PIK3R3: variants seen among roughly 807,000 people sequenced by gnomAD.
PIK3R3 encodes phosphoinositide-3-kinase regulatory subunit 3, also known as phosphatidylinositol 3-kinase regulatory subunit gamma.
PIK3R3 carries 64 observed loss-of-function variants against 62.9 expected under a neutral mutation model. The observed-to-expected ratio is 1.02, with a 90% CI of 0.83 to 1.25. PIK3R3 has a LOEUF of 1.25. Among genes scored for constraint, PIK3R3 ranks in the 50% most tolerant of loss-of-function variants. The pLI, the probability that PIK3R3 is intolerant of heterozygous loss-of-function variation, is 0.00. For synonymous variants in PIK3R3, 165 were observed against 189.0 expected (o/e 0.87, Z 1.04); for missense variants, 614 against 561.6 (o/e 1.09, Z -0.94).
Position 46,132,202 on chromosome 1 carries a change from TG to T in PIK3R3, c.-251del, listed in dbSNP as rs1557643524. On this transcript the variant is annotated 5_prime_UTR_variant, in exon 1 of 10. Coordinates refer to ENST00000262741, the MANE Select transcript of PIK3R3 (RefSeq NM_003629.4). Reference sequence around the variant, plus strand: ...CTCCTCAGAGGATTACACAGAGGCTTGGGGGACGGAGAGCAGAGGTGTTAAA... The same window carrying T: ...CTCCTCAGAGGATTACACAGAGGCTTGGGGACGGAGAGCAGAGGTGTTAAA... 8.0e-7 allele frequency: 1 copy of T among 1,254,954 alleles called. No homozygotes were observed. The highest frequency in any genetic ancestry group is 1.9e-5 in the South Asian group (1 of 52,724). The allele number at this position is 1,254,954 out of a possible 1,614,324, so 77.7% of individuals were successfully genotyped here.
At chr1:46,085,873 C>A (rs912787741) in intron 1 of PIK3R3, among the ~76,000 whole-genome samples, 9 of 152,100 alleles carry the variant, frequency 5.9e-5, no homozygotes, top group African/African-American at 2.2e-4. Flanking sequence ...AAATATTTCT[C>A]TTTCCATTTT....
chr1:46,081,470 T>C (rs1349610250), intron 1 of PIK3R3, among the ~76,000 whole-genome samples: 1 of 152,148 alleles, frequency 6.6e-6, no homozygotes, highest in Admixed American at 6.6e-5. Flanking sequence ...TAGATTCTCA[T>C]AGAAGCACAA....
the PIK3R3 span, among the ~76,000 whole-genome samples, chr1:46,163,836 G>A: frequency 2.6e-5 from 4 of 152,144 alleles, no homozygotes; most frequent in Non-Finnish European, 4.4e-5. Flanking sequence ...AAATAGAGAC[G>A]GTAATCTCCA....
At chr1:46,166,550 A>C in the PIK3R3 span, among the ~76,000 whole-genome samples, 2,397 of 152,182 alleles carry the variant, frequency 0.016, 64 homozygotes, top group African/African-American at 0.055. Flanking sequence ...CACAAACTGC[A>C]GTTCTCTTTT....
chr1:46,086,269 T>C (rs914759702), intron 1 of PIK3R3, among the ~76,000 whole-genome samples: 19 of 152,154 alleles, frequency 1.2e-4, no homozygotes, highest in African/African-American at 4.6e-4. Context: ...TGTATGTATA[T>C]TGTATATGTT....
At chr1:46,055,259 C>T (rs1329008576) in intron 7 of PIK3R3, among the ~76,000 whole-genome samples, 1 of 152,110 alleles carries the variant, frequency 6.6e-6, no homozygotes, top group Non-Finnish European at 1.5e-5. Context: ...CAAGAATGTG[C>T]CACCACGCCC....
chr1:46,142,062 A>G, the PIK3R3 span, among the ~76,000 whole-genome samples: 1 of 152,158 alleles, frequency 6.6e-6, no homozygotes, highest in Non-Finnish European at 1.5e-5. Flanking sequence ...AACAGGCATA[A>G]TACTCCCTTC....
In PIK3R3 at chr1:46,103,890, G is replaced by A. The variant is rs556274332; in HGVS notation, c.107-23140C>T. On this transcript the variant is annotated intron_variant, in intron 1 of 9. Coordinates refer to ENST00000262741, the MANE Select transcript of PIK3R3 (RefSeq NM_003629.4). Reference sequence around the variant, plus strand: ...ATTACAGGCATGAACCACCACGCCCGGCCATGATGGTATATTTTATATTAT... The same window carrying A: ...ATTACAGGCATGAACCACCACGCCCAGCCATGATGGTATATTTTATATTAT... Among the ~76,000 whole-genome samples the A allele has an allele frequency of 1.3e-4, 19 of 151,778 alleles. 1 individual carries two copies. The South Asian group carries it at 1.9e-3, about 15-fold the overall frequency.
the PIK3R3 span, among the ~76,000 whole-genome samples, chr1:46,154,153 C>T: frequency 6.6e-6 from 1 of 152,242 alleles, no homozygotes; most frequent in East Asian, 1.9e-4. Context: ...CCTGTTAAAA[C>T]ATGGGGAAAT....
chr1:46,169,368 T>C, the PIK3R3 span, among the ~76,000 whole-genome samples: 1 of 152,182 alleles, frequency 6.6e-6, no homozygotes, highest in Non-Finnish European at 1.5e-5. Flanking sequence ...ATCATAGGCA[T>C]TGACACATTT....
chr1:46,132,232 C>A lies in PIK3R3; in HGVS notation c.-280G>T, dbSNP rs1169398417. ...GACGGAGAGCAGAGGTGTTAAAAAG[C>A]GGCTTCCCAAAAATCCTTTCTACAC... On this transcript the variant is annotated 5_prime_UTR_variant, in exon 1 of 10. Coordinates refer to ENST00000262741, the MANE Select transcript of PIK3R3 (RefSeq NM_003629.4). 8.5e-6 allele frequency: 10 copies of A among 1,173,456 alleles called. No individual in the cohort carries two copies. In the African/African-American group the frequency reaches 1.3e-4, roughly 15 times the overall value. The allele number at this position is 1,173,456 out of a possible 1,614,324, so 72.7% of individuals were successfully genotyped here. A position where few individuals can be genotyped will look rare whatever the true frequency, so the allele number is the denominator to read the frequency against.
chr1:46,050,118 T>C (rs1198532467), intron 7 of PIK3R3, among the ~76,000 whole-genome samples: 3 of 123,320 alleles, frequency 2.4e-5, no homozygotes, highest in East Asian at 4.3e-4. Flanking sequence ...TGAAACTCTG[T>C]CTCAAAAAAA....
intron 1 of PIK3R3, among the ~76,000 whole-genome samples, chr1:46,115,407 T>C (rs1172470671): frequency 6.6e-6 from 1 of 152,122 alleles, no homozygotes; most frequent in East Asian, 1.9e-4. Flanking sequence ...CCATAGAAAA[T>C]GTACTAGAAA....
intron 3 of PIK3R3, among the ~76,000 whole-genome samples, chr1:46,074,640 G>C (rs1085241): frequency 6.7e-6 from 1 of 148,294 alleles, no homozygotes; most frequent in Non-Finnish European, 1.5e-5. Flanking sequence ...AGGCAATGCA[G>C]AGTCAATCCC....
chr1:46,112,241 T>C (rs1653807320), intron 1 of PIK3R3, among the ~76,000 whole-genome samples: 1 of 152,254 alleles, frequency 6.6e-6, no homozygotes, highest in Admixed American at 6.5e-5. Context: ...TTTGTCTTAC[T>C]CTACAATCTA....
chr1:46,075,179 C>T (rs955644704), intron 3 of PIK3R3, among the ~76,000 whole-genome samples: 25 of 152,168 alleles, frequency 1.6e-4, no homozygotes, highest in African/African-American at 6.0e-4. Flanking sequence ...TTTAGCATAT[C>T]GCTATATAAA....
chr1:46,093,639 T>C (rs1220062084), intron 1 of PIK3R3, among the ~76,000 whole-genome samples: 1 of 151,986 alleles, frequency 6.6e-6, no homozygotes, highest in East Asian at 1.9e-4. Context: ...CATGTAATCC[T>C]AGCACTTTGG....
chr1:46,128,665 C>A (rs1655300120), intron 1 of PIK3R3, among the ~76,000 whole-genome samples: 1 of 152,172 alleles, frequency 6.6e-6, no homozygotes, highest in Admixed American at 6.5e-5. Context: ...CTACTACTTG[C>A]AAGACCCTGG....
At chr1:46,082,512 C>T (rs1650694104) in intron 1 of PIK3R3, among the ~76,000 whole-genome samples, 1 of 152,166 alleles carries the variant, frequency 6.6e-6, no homozygotes, top group South Asian at 2.1e-4. Context: ...AGTAGTAGTA[C>T]AGCAGTGTTA....
Sources: gnomAD v4.1 joint callset for allele counts (sites outside exome capture counted in the v4.1 genomes callset) on GRCh38, gnomAD v4.1.1 for gene constraint, MANE v1.5 for transcripts, NCBI Gene and HGNC (gene_info 2026-07-23, HGNC 2026-07-21) for gene names.